Variants in KCTD1 observed in about 807,000 individuals in gnomAD.
KCTD1 encodes the protein potassium channel tetramerization domain containing 1.
In KCTD1, 24 loss-of-function variants were observed where a neutral mutation model predicts 66.0. The ratio of observed to expected loss-of-function variants is 0.36; its 90% confidence interval spans 0.26 to 0.51. The LOEUF (loss-of-function observed/expected upper bound fraction) is 0.51. Among genes scored for constraint, KCTD1 ranks in the 20% least tolerant of loss-of-function variants. The probability of loss-of-function intolerance (pLI) is 0.95; values close to 1 mark genes in which losing one functional copy is unlikely to be tolerated. For missense variants in KCTD1, 943 were observed against 1,205.2 expected (o/e 0.78, Z 3.22); for synonymous variants, 511 against 517.2 (o/e 0.99, Z 0.16).
chr18:26,547,198 T>A lies in KCTD1; in HGVS notation c.1339A>T (p.Thr447Ser), dbSNP rs1448822660. The change falls in exon 1 of 5, where the codon ACC becomes TCC. Residue 447 changes from threonine to serine, a missense_variant. Thr to Ser is a moderately conservative substitution (Grantham distance 58). This residue lies in a region of KCTD1 where 79 missense variants were observed against 133.9 expected (regional missense o/e 0.59). Transcript: ENST00000580059. ...MLSKAAKLSKTYTNHCIGAVS... is the reference protein window; with the variant it reads ...MLSKAAKLSKSYTNHCIGAVS... The stretch of plus-strand genomic sequence containing the variant: ...GCGCCGATGCAGTGGTTGGTGTAGG[T>A]CTTGGAGAGCTTGGCCGCCTTGGAG... 2 of 1,551,074 alleles carry A rather than the reference T, an allele frequency of 1.3e-6. No individual in the cohort carries two copies. Among genetic ancestry groups the A allele is most frequent in the Non-Finnish European group, 1.7e-6 (2 of 1,146,978 alleles).
intron 1 of KCTD1, among the ~76,000 whole-genome samples, chr18:26,514,544 T>G (rs1294697720): frequency 1.3e-5 from 1 of 79,976 alleles, no homozygotes; most frequent in Non-Finnish European, 2.6e-5. Flanking sequence ...AGTGAGACCT[T>G]GTCTCAAAAA....
chr18:26,574,955 T>G (rs1180852335), intron 1 of KCTD1, among the ~76,000 whole-genome samples: 1 of 152,236 alleles, frequency 6.6e-6, no homozygotes, highest in Non-Finnish European at 1.5e-5. Context: ...AATTAAATTT[T>G]GCAGGTGCAA....
At chr18:26,557,772 G>GCA (rs1985742065) in intron 1 of KCTD1, among the ~76,000 whole-genome samples, 1 of 152,042 alleles carries the variant, frequency 6.6e-6, no homozygotes, top group Admixed American at 6.5e-5. Context: ...TTCAGAAGAT[G>GCA]CACACACACA....
At chr18:26,513,320 C>T (rs1413527579) in intron 1 of KCTD1, among the ~76,000 whole-genome samples, 2 of 152,080 alleles carry the variant, frequency 1.3e-5, no homozygotes, top group African/African-American at 4.8e-5. Context: ...ATCTCCTGAC[C>T]TCGTGATCTG....
Position 26,489,241 on chromosome 18 carries a change from A to T in KCTD1, c.1988+11831T>A, listed in dbSNP as rs566738086. On this transcript the variant is annotated intron_variant, in intron 2 of 4. Coordinates refer to ENST00000580059, the MANE Select transcript of KCTD1 (RefSeq NM_001142730.3). ...AGGCTATAAATCCTGCATTTTTAGTAAAAAGAAATGGTATTTTTATACGCG... is the reference window on the plus strand; with the variant it reads ...AGGCTATAAATCCTGCATTTTTAGTTAAAAGAAATGGTATTTTTATACGCG... Among the ~76,000 whole-genome samples the T allele has an allele frequency of 3.3e-5, 5 of 152,338 alleles. No individual in the cohort carries two copies. The East Asian group carries it at 9.6e-4, about 29-fold the overall frequency.
In KCTD1 at chr18:26,547,207, G is replaced by C. The variant is rs1230400537; in HGVS notation, c.1330C>G (p.Leu444Val). ...CAGTGGTTGGTGTAGGTCTTGGAGA[G>C]CTTGGCCGCCTTGGAGAGCATCTGC... Reference protein sequence around the residue: ...RMQMLSKAAKLSKTYTNHCIG... With the variant: ...RMQMLSKAAKVSKTYTNHCIG... The change falls in exon 1 of 5, where the codon CTC becomes GTC. Residue 444 changes from leucine (L) to valine (V), a missense_variant. This residue lies in a region of KCTD1 where 79 missense variants were observed against 133.9 expected (regional missense o/e 0.59). Transcript: ENST00000580059. The C allele has an allele frequency of 1.4e-5, 22 of 1,549,936 alleles. No individual in the cohort carries two copies. The highest frequency in any genetic ancestry group is 1.7e-5 in the Non-Finnish European group (20 of 1,146,592).
intron 3 of KCTD1, among the ~76,000 whole-genome samples, chr18:26,460,405 C>T (rs760293431): frequency 6.6e-6 from 1 of 152,214 alleles, no homozygotes; most frequent in Non-Finnish European, 1.5e-5. Flanking sequence ...CCAATGGGCA[C>T]CCTTCATCAG....
At chr18:26,507,325 C>T (rs997437628) in intron 1 of KCTD1, among the ~76,000 whole-genome samples, 1 of 151,958 alleles carries the variant, frequency 6.6e-6, no homozygotes, top group African/African-American at 2.4e-5. Flanking sequence ...CTTGAATTTC[C>T]CACTTCTGTG....
upstream of KCTD1, among the ~76,000 whole-genome samples, chr18:26,629,720 C>T (rs989841372): frequency 3.4e-4 from 36 of 104,510 alleles, no homozygotes; most frequent in Non-Finnish European, 5.9e-4. Flanking sequence ...ATTGACCCCC[C>T]CGCCTTTTTT....
At chr18:26,490,090 T>G (rs1982117531) in intron 2 of KCTD1, among the ~76,000 whole-genome samples, 1 of 152,196 alleles carries the variant, frequency 6.6e-6, no homozygotes, top group Non-Finnish European at 1.5e-5. Context: ...CGATGTGGAT[T>G]GTGCCAGAGT....
rs1056015695 is a variant in KCTD1, at chr18:26,476,325, G to A, written c.2133+190C>T. Among the ~76,000 whole-genome samples the A allele has an allele frequency of 5.3e-5, 8 of 152,106 alleles. No homozygotes were observed. Among genetic ancestry groups the A allele is most frequent in the Admixed American group, 2.0e-4 (3 of 15,272 alleles). ...TAATTCAATTCTTTAAATGAAAAGCGATCCTCTTTAAGTCATGTAGAAGTT... is the reference window on the plus strand; with the variant it reads ...TAATTCAATTCTTTAAATGAAAAGCAATCCTCTTTAAGTCATGTAGAAGTT... On this transcript the variant is annotated intron_variant, in intron 3 of 4. Transcript: ENST00000580059. The surrounding 1 kb of genome is among the most constrained non-coding windows in gnomAD (Gnocchi z 4.9).
upstream of KCTD1, chr18:26,549,182 G>A (rs1354999628): frequency 1.0e-6 from 1 of 985,814 alleles, no homozygotes; most frequent in Non-Finnish European, 1.2e-6. Context: ...CGCGGCCAGG[G>A]CGCAGCGGGC....
chr18:26,484,891 A>C (rs1478519083), intron 2 of KCTD1, among the ~76,000 whole-genome samples: 1 of 152,198 alleles, frequency 6.6e-6, no homozygotes, highest in Non-Finnish European at 1.5e-5. Flanking sequence ...AAGGGAGGCC[A>C]CGGAGGCAGG....
At position 26,548,491 on chromosome 18, in the gene KCTD1, C is replaced by G. The variant is rs1309337487; in HGVS notation, c.46G>C (p.Gly16Arg). ...GCGGCGGCGGCAGCGCTGGCGCTGC[C>G]GCCCGCGCTGGTGTTACAGTCCCCG... Reference protein sequence around the residue: ...GSGDCNTSAGGSASAAAAAAE... With the variant: ...GSGDCNTSAGRSASAAAAAAE... Residue 16 changes from glycine to arginine, a missense_variant, in exon 1 of 5, where the codon GGC becomes CGC. Gly to Arg is a moderately radical substitution (Grantham distance 125). Around this residue, in one of 10 missense-constraint regions of KCTD1, gnomAD observed 236 missense variants for 206.6 expected, o/e 1.14. Coordinates refer to ENST00000580059, the MANE Select transcript of KCTD1 (RefSeq NM_001142730.3). 4.0e-6 allele frequency: 5 copies of G among 1,251,042 alleles called. No homozygotes were observed. The highest frequency in any genetic ancestry group is 3.1e-4 in the Middle Eastern group (1 of 3,262). The allele number at this position is 1,251,042 out of a possible 1,614,324, so 77.5% of individuals were successfully genotyped here.
At chr18:26,593,200 C>T (rs768907011) in intron 1 of KCTD1, among the ~76,000 whole-genome samples, 131 of 152,110 alleles carry the variant, frequency 8.6e-4, no homozygotes, top group Non-Finnish European at 1.5e-3. Flanking sequence ...TTGGACTGCC[C>T]AGAACATTTA....
chr18:26,557,128 T>G (rs1433046743), intron 1 of KCTD1, among the ~76,000 whole-genome samples: 1 of 152,170 alleles, frequency 6.6e-6, no homozygotes, highest in Non-Finnish European at 1.5e-5. Context: ...CCTCCTGTCT[T>G]TCTCATGGTT....
In KCTD1 at chr18:26,548,542, C is replaced by A. The variant is rs767430176; in HGVS notation, c.-6G>T. On this transcript the variant is annotated 5_prime_UTR_variant, in exon 1 of 5. Coordinates refer to ENST00000580059, the MANE Select transcript of KCTD1 (RefSeq NM_001142730.3). Reference sequence around the variant, plus strand: ...CTGCCAGGCATTCTCGCCATATTGCCGTCTCTCTGCCAGTCCTCGGGCAGG... The same window carrying A: ...CTGCCAGGCATTCTCGCCATATTGCAGTCTCTCTGCCAGTCCTCGGGCAGG... 8.1e-7 allele frequency: 1 copy of A among 1,232,888 alleles called. No individual in the cohort carries two copies. Among genetic ancestry groups the A allele is most frequent in the South Asian group, 4.0e-5 (1 of 25,006 alleles). The allele number at this position is 1,232,888 out of a possible 1,614,324, so 76.4% of individuals were successfully genotyped here.
At chr18:26,621,810 TG>T (rs1987392643) in intron 1 of KCTD1, among the ~76,000 whole-genome samples, 1 of 152,226 alleles carries the variant, frequency 6.6e-6, no homozygotes, top group African/African-American at 2.4e-5. Context: ...ACACATTTTT[TG>T]TTTTGTTAAA....
chr18:26,459,996 G>C (rs1463220466), intron 3 of KCTD1, 71 bp from the exon 4 acceptor site: 2 of 1,171,882 alleles, frequency 1.7e-6, no homozygotes, highest in Admixed American at 2.9e-5. Context: ...ACATCTAAGA[G>C]GTGATTTTTT....
Sources: gnomAD v4.1 joint callset for allele counts (sites outside exome capture counted in the v4.1 genomes callset) on GRCh38, gnomAD v4.1.1 for gene constraint, gnomAD v4.1.1 regional missense constraint, Gnocchi (gnomAD v3.1) non-coding constraint, MANE v1.5 for transcripts, NCBI Gene and HGNC (gene_info 2026-07-23, HGNC 2026-07-21) for gene names.